The following RNFT2 variants were observed in gnomAD, a reference collection of about 807,000 sequenced individuals.
RNFT2 encodes E3 ubiquitin-protein ligase RNFT2.
A neutral mutation model predicts 53.0 loss-of-function variants in RNFT2; 36 were observed. The ratio of observed to expected loss-of-function variants is 0.68; its 90% CI spans 0.52 to 0.90. RNFT2 has a LOEUF of 0.90. Among genes scored for constraint, RNFT2 ranks in the 40% least tolerant of loss-of-function variants. The pLI is 0.00. For synonymous variants in RNFT2, 260 were observed against 253.2 expected (o/e 1.03, Z -0.26); for missense variants, 514 against 585.6 (o/e 0.88, Z 1.26).
chr12:116,761,220 C>T (rs1007264839), intron 5 of RNFT2, among the ~76,000 whole-genome samples: 4 of 152,174 alleles, frequency 2.6e-5, no homozygotes, highest in African/African-American at 4.8e-5. Flanking sequence ...ATGATCTTGG[C>T]GCACTGTAAC....
At chr12:116,777,119 T>C (rs944292341) in intron 6 of RNFT2, among the ~76,000 whole-genome samples, 5 of 151,950 alleles carry the variant, frequency 3.3e-5, no homozygotes, top group African/African-American at 1.2e-4. Flanking sequence ...GGTTTCACCA[T>C]GTTGGCCGGG....
intron 10 of RNFT2, among the ~76,000 whole-genome samples, chr12:116,839,165 C>T (rs1877122802): frequency 6.6e-6 from 1 of 152,168 alleles, no homozygotes; most frequent in South Asian, 2.1e-4. Flanking sequence ...CAATTGTTAA[C>T]TAGGTAGTTC....
intron 7 of RNFT2, among the ~76,000 whole-genome samples, chr12:116,800,812 T>TCAAAATAAAATAATAAAATAAAA (rs142455219): frequency 8.7e-6 from 1 of 114,790 alleles, no homozygotes; most frequent in African/African-American, 3.4e-5. Context: ...AGACTCCATC[T>TCAAAATAAAATAATAAAATAAAA]TAAAATAAAA....
intron 5 of RNFT2, among the ~76,000 whole-genome samples, chr12:116,758,560 G>A (rs1872585419): frequency 1.3e-5 from 2 of 152,092 alleles, no homozygotes; most frequent in Admixed American, 1.3e-4. Context: ...CTTGGTAATG[G>A]GTGAATTCTC....
intron 6 of RNFT2, among the ~76,000 whole-genome samples, chr12:116,769,107 C>T (rs1338719743): frequency 6.6e-6 from 1 of 152,070 alleles, no homozygotes; most frequent in African/African-American, 2.4e-5. Context: ...CACCTGTAAT[C>T]CCAGCACTTT....
intron 4 of RNFT2, among the ~76,000 whole-genome samples, chr12:116,751,158 C>T (rs1013886812): frequency 6.6e-5 from 10 of 151,188 alleles, no homozygotes; most frequent in African/African-American, 2.4e-4. Flanking sequence ...TCAAGCAATC[C>T]TCCCACCTAA....
intron 7 of RNFT2, among the ~76,000 whole-genome samples, chr12:116,780,209 T>G (rs1873627904): frequency 6.6e-6 from 1 of 152,092 alleles, no homozygotes; most frequent in Non-Finnish European, 1.5e-5. Context: ...TCATGTCCAC[T>G]CCCTTTCTCC....
chr12:116,769,266 G>C (rs1265711025), intron 6 of RNFT2, among the ~76,000 whole-genome samples: 1 of 152,112 alleles, frequency 6.6e-6, no homozygotes, highest in Non-Finnish European at 1.5e-5. Flanking sequence ...GGCTGAGCCA[G>C]AGAATTGCTT....
intron 7 of RNFT2, among the ~76,000 whole-genome samples, chr12:116,799,838 G>C (rs1874679389): frequency 6.6e-6 from 1 of 152,176 alleles, no homozygotes. Context: ...GTAGTGTGGT[G>C]ATACAGTTTG....
At chr12:116,789,292 GTGGA>G in intron 7 of RNFT2, among the ~76,000 whole-genome samples, 1 of 145,788 alleles carries the variant, frequency 6.9e-6, no homozygotes, top group Non-Finnish European at 1.5e-5. Context: ...GGATGGGTGG[GTGGA>G]TGGGTAAATG....
intron 5 of RNFT2, among the ~76,000 whole-genome samples, 155 bp downstream of exon 5, chr12:116,754,215 A>T (rs1340266240): frequency 6.6e-6 from 1 of 152,142 alleles, no homozygotes; most frequent in Non-Finnish European, 1.5e-5. Flanking sequence ...GAGAACGTAC[A>T]ATGTTTGGTT....
chr12:116,745,164 T>C (rs1376247458), intron 3 of RNFT2, among the ~76,000 whole-genome samples: 1 of 143,550 alleles, frequency 7.0e-6, no homozygotes, highest in Non-Finnish European at 1.5e-5. Flanking sequence ...GTTTCCTCCA[T>C]TGCACCAGAT....
At chr12:116,749,286 C>A (rs971941575) in intron 3 of RNFT2, among the ~76,000 whole-genome samples, 10 of 39,622 alleles carry the variant, frequency 2.5e-4, no homozygotes, top group Non-Finnish European at 4.8e-4. Flanking sequence ...CTTTCCCCCC[C>A]CACCACCCCT....
intron 10 of RNFT2, 45 bp from the exon 11 acceptor site, chr12:116,849,269 C>G: frequency 6.9e-7 from 1 of 1,458,498 alleles, no homozygotes; most frequent in Non-Finnish European, 9.3e-7. Context: ...CCGAGGCAGA[C>G]GCTCAGTAAA....
At chr12:116,769,775 T>C (rs1488452856) in intron 6 of RNFT2, among the ~76,000 whole-genome samples, 3 of 152,166 alleles carry the variant, frequency 2.0e-5, no homozygotes, top group Admixed American at 6.6e-5. Context: ...CTCATGCCTG[T>C]AATCCCAGCA....
At chr12:116,776,275 A>G (rs1873425417) in intron 6 of RNFT2, among the ~76,000 whole-genome samples, 1 of 152,218 alleles carries the variant, frequency 6.6e-6, no homozygotes, top group Non-Finnish European at 1.5e-5. Flanking sequence ...ATTGAACACC[A>G]ACTTGTGTCC....
intron 5 of RNFT2, among the ~76,000 whole-genome samples, chr12:116,756,635 G>A (rs1872520905): frequency 6.6e-6 from 1 of 152,106 alleles, no homozygotes; most frequent in Non-Finnish European, 1.5e-5. Flanking sequence ...CACATTTATT[G>A]ACTTGTGCAT....
chr12:116,812,422 G>A (rs933027471), intron 7 of RNFT2, among the ~76,000 whole-genome samples: 2 of 152,180 alleles, frequency 1.3e-5, no homozygotes, highest in African/African-American at 4.8e-5. Context: ...GATTACCGCA[G>A]GTCCCTGGGG....
Position 116,851,920 on chromosome 12 carries a change from T to C in RNFT2, c.*2472T>C. On this transcript the variant is annotated 3_prime_UTR_variant, in exon 11 of 11. Transcript: ENST00000257575. ...GTCTCAGGCCTGTCAGCAGCTCCTG[T>C]GGACATTGCCATCCCCTCTGGTAGC... 1 of 1,534,296 alleles carries C rather than the reference T, an allele frequency of 6.5e-7. No individual in the cohort carries two copies. Among genetic ancestry groups the C allele is most frequent in the Non-Finnish European group, 8.7e-7 (1 of 1,146,246 alleles).
Sources: allele counts gnomAD v4.1 joint callset (sites outside exome capture counted in the v4.1 genomes callset), GRCh38; gene constraint gnomAD v4.1.1; transcripts MANE v1.5; gene names NCBI Gene and HGNC (gene_info 2026-07-23, HGNC 2026-07-21).